The following RPGRIP1L variants were observed in gnomAD, a reference collection of about 807,000 sequenced individuals.
RPGRIP1L encodes protein fantom.
Under a neutral mutation model 160.4 loss-of-function variants are expected in RPGRIP1L, and 131 were observed. That is an observed-to-expected ratio of 0.82 (90% confidence interval 0.71 to 0.94). RPGRIP1L has a LOEUF of 0.94. Among genes scored for constraint, RPGRIP1L ranks in the 40% least tolerant of loss-of-function variants. The pLI, the probability that RPGRIP1L is intolerant of heterozygous loss-of-function variation, is 0.00. For synonymous variants in RPGRIP1L, 510 were observed against 515.8 expected, an observed-to-expected ratio of 0.99 and a Z score of 0.15; for missense variants, 1,522 against 1,535.8, an observed-to-expected ratio of 0.99 and a Z score of 0.15.
At chr16:53,680,027 C>T (rs1294851973) in intron 6 of RPGRIP1L, among the ~76,000 whole-genome samples, 1 of 152,006 alleles carries the variant, frequency 6.6e-6, no homozygotes, top group Non-Finnish European at 1.5e-5. Flanking sequence ...AAGTTTTTTC[C>T]TCTAAGATCT....
At chr16:53,688,318 T>G (rs1362758928) in intron 4 of RPGRIP1L, among the ~76,000 whole-genome samples, 1 of 152,018 alleles carries the variant, frequency 6.6e-6, no homozygotes, top group Non-Finnish European at 1.5e-5. Context: ...AAAAACCTGA[T>G]TTTTTCCCCA....
rs745480425 is a variant in RPGRIP1L at position 53,638,392 on chromosome 16, T to C, written c.2978A>G (p.Glu993Gly). Residue 993 changes from glutamate (E) to glycine (G), a missense_variant, in exon 20 of 27, where the codon GAA (glutamate) becomes GGA (glycine). Coordinates refer to ENST00000647211, the MANE Select transcript of RPGRIP1L (RefSeq NM_015272.5). Reference sequence around the variant, plus strand: ...CTCTGGTGAAATTTCCTTCCTATCTTCAGGAGGAGGAGAAGTCTCCTTATA... The same window carrying C: ...CTCTGGTGAAATTTCCTTCCTATCTCCAGGAGGAGGAGAAGTCTCCTTATA... ...HQSDETSPPP[E>G]DRKEISPEVE... 1 of 1,575,182 alleles carries C rather than the reference T, an allele frequency of 6.3e-7. No homozygotes were observed. Among genetic ancestry groups the C allele is most frequent in the Non-Finnish European group, 8.7e-7 (1 of 1,145,256 alleles).
chr16:53,695,644 T>A, intron 3 of RPGRIP1L: 1 of 564,432 alleles, frequency 1.8e-6, no homozygotes, highest in Non-Finnish European at 3.1e-6. Context: ...ACAATACTGT[T>A]TCTTCAGAAA....
intron 19 of RPGRIP1L, among the ~76,000 whole-genome samples, chr16:53,640,491 C>T (rs187238904): frequency 6.6e-6 from 1 of 152,146 alleles, no homozygotes; most frequent in Admixed American, 6.6e-5. Flanking sequence ...AGAGGCACGA[C>T]GATATTTAAA....
chr16:53,645,959 A>G lies in RPGRIP1L; in HGVS notation c.2349T>C (p.Asp783=), dbSNP rs1966518935. 3.1e-6 allele frequency: 5 copies of G among 1,614,136 alleles called. No homozygotes were observed. The East Asian group carries it at 6.7e-5, about 22-fold the overall frequency. ...APKTAQLSST[D]STDGNLNELH... ...GTTCATTTAAGTTGCCATCTGTGGA[A>G]TCTGTAGAACTGAGTTGAGCAGTTT... The change falls in exon 17 of 27, where the codon GAT becomes GAC. Residue 783 remains aspartate, a synonymous_variant. Transcript: ENST00000647211.
intron 24 of RPGRIP1L, among the ~76,000 whole-genome samples, chr16:53,612,541 A>G (rs1486049614): frequency 6.9e-6 from 1 of 145,458 alleles, no homozygotes; most frequent in Non-Finnish European, 1.5e-5. Context: ...GTGGCACACC[A>G]TATTGTTTTT....
intron 6 of RPGRIP1L, among the ~76,000 whole-genome samples, chr16:53,682,744 AG>A (rs1296523169): frequency 3.3e-5 from 5 of 152,170 alleles, no homozygotes; most frequent in African/African-American, 9.7e-5. Flanking sequence ...CAGTGTTGAG[AG>A]GTCTGGTCCT....
chr16:53,691,411 C>T (rs1970374189), intron 4 of RPGRIP1L, among the ~76,000 whole-genome samples: 1 of 152,034 alleles, frequency 6.6e-6, no homozygotes, highest in Admixed American at 6.6e-5. Context: ...AACTTGGGTA[C>T]ATTTTAGGTT....
intron 22 of RPGRIP1L, among the ~76,000 whole-genome samples, chr16:53,635,169 A>C (rs1282483408): frequency 2.6e-5 from 4 of 152,186 alleles, no homozygotes; most frequent in Non-Finnish European, 4.4e-5. Flanking sequence ...TATTTTGCTA[A>C]ACTTCTTTGT....
intron 15 of RPGRIP1L, among the ~76,000 whole-genome samples, chr16:53,650,582 A>G (rs761606497): frequency 1.2e-4 from 19 of 152,066 alleles, no homozygotes; most frequent in Non-Finnish European, 2.2e-4. Context: ...CCAAACAAAC[A>G]AACAAAAATC....
intron 5 of RPGRIP1L, among the ~76,000 whole-genome samples, 194 bp downstream of exon 5, chr16:53,687,669 G>A (rs537063131): frequency 9.6e-4 from 146 of 152,088 alleles, no homozygotes; most frequent in African/African-American, 3.1e-3. Context: ...TCCTTCCATT[G>A]AGGCAGCTGG....
At chr16:53,648,626 G>GCGCGCGCACACACA (rs1555602385) in intron 16 of RPGRIP1L, among the ~76,000 whole-genome samples, 19 of 143,988 alleles carry the variant, frequency 1.3e-4, no homozygotes, top group Non-Finnish European at 6.0e-5. Flanking sequence ...GCGCGCGCGC[G>GCGCGCGCACACACA]CACACACACA....
chr16:53,626,719 C>T (rs190834152), intron 22 of RPGRIP1L, among the ~76,000 whole-genome samples: 9 of 150,676 alleles, frequency 6.0e-5, no homozygotes, highest in African/African-American at 2.2e-4. Context: ...GCAGGAGAAT[C>T]GCTTGAACAT....
At chr16:53,609,168 A>C (rs1963870521) in intron 25 of RPGRIP1L, among the ~76,000 whole-genome samples, 1 of 152,130 alleles carries the variant, frequency 6.6e-6, no homozygotes, top group African/African-American at 2.4e-5. Context: ...TGCTCACTGC[A>C]AGCTCGAACT....
intron 3 of RPGRIP1L, chr16:53,694,053 T>C (rs1052122677): frequency 7.2e-5 from 11 of 152,238 alleles, no homozygotes; most frequent in South Asian, 2.1e-4. Flanking sequence ...TGTCTCGTAA[T>C]AGCCATACAT....
At chr16:53,677,110 G>A (rs1307871401) in intron 6 of RPGRIP1L, among the ~76,000 whole-genome samples, 1 of 152,076 alleles carries the variant, frequency 6.6e-6, no homozygotes, top group African/African-American at 2.4e-5. Flanking sequence ...AAAACTTTCA[G>A]TGGTTTAATC....
At chr16:53,658,906 A>G (rs916413343) in intron 10 of RPGRIP1L, 28 bp from the exon 11 acceptor site, 4 of 1,401,396 alleles carry the variant, frequency 2.9e-6, no homozygotes, top group Non-Finnish European at 4.0e-6. Flanking sequence ...CACAATTGGA[A>G]AGGTAAGTAA....
intron 24 of RPGRIP1L, among the ~76,000 whole-genome samples, chr16:53,612,632 A>G (rs914567757): frequency 6.6e-6 from 1 of 152,140 alleles, no homozygotes; most frequent in African/African-American, 2.4e-5. Flanking sequence ...TTAAAAAAAA[A>G]AGACTGAATT....
Position 53,696,295 on chromosome 16 carries a change from T to C in RPGRIP1L, c.86A>G (p.Glu29Gly). The C allele has an allele frequency of 6.2e-7, 1 of 1,613,862 alleles. No homozygotes were observed. Among genetic ancestry groups the C allele is most frequent in the East Asian group, 2.2e-5 (1 of 44,858 alleles). Residue 29 changes from glutamate (E) to glycine (G), a missense_variant and splice_region_variant, in exon 3 of 27, where the codon GAA (glutamate) becomes GGA (glycine). Transcript: ENST00000647211. ...LNLFGMGGLQ[E>G]TSTTRTMKSR... ...CTTCATTGTCCGTGTTGTTGAAGTT[T>C]CTGCAAAAATGCCAAGATAATTAAT...
Sources: allele counts gnomAD v4.1 joint callset (sites outside exome capture counted in the v4.1 genomes callset), GRCh38; gene constraint gnomAD v4.1.1; transcripts MANE v1.5; gene names NCBI Gene and HGNC (gene_info 2026-07-23, HGNC 2026-07-21).